SLC38A6: variants seen among roughly 807,000 people sequenced by gnomAD.
SLC38A6 encodes the protein N system amino acid transporter NAT-1.
Under a neutral mutation model 65.0 loss-of-function variants are expected in SLC38A6, and 73 were observed. That is an observed-to-expected ratio of 1.12 (90% confidence interval 0.93 to 1.37). SLC38A6 has a LOEUF of 1.37. SLC38A6 is among the 40% of genes most tolerant of loss of function. SLC38A6 has a pLI of 0.00. For missense variants in SLC38A6, 561 were observed against 531.1 expected (o/e 1.06, Z -0.55); for synonymous variants, 183 against 178.8 (o/e 1.02, Z -0.19).
At chr14:61,036,675 TAA>T (rs1402539271) in intron 6 of SLC38A6, among the ~76,000 whole-genome samples, 1 of 152,198 alleles carries the variant, frequency 6.6e-6, no homozygotes, top group Admixed American at 6.5e-5. Flanking sequence ...TTCAAGTATA[TAA>T]TTATTTGAAA....
At position 60,982,234 on chromosome 14, in the gene SLC38A6, CAGTCACA is replaced by C. The variant is rs779160661; in HGVS notation, c.106-271_106-265del. 1.6e-4 allele frequency: 80 copies of C among 504,954 alleles called. 3 individuals carry two copies. The highest frequency in any genetic ancestry group is 1.2e-3 in the South Asian group (78 of 65,000). 31.3% of individuals were successfully genotyped at this position (504,954 alleles called of 1,614,324 possible). On this transcript the variant is annotated intron_variant, in intron 1 of 15. Coordinates refer to ENST00000267488, the MANE Select transcript of SLC38A6 (RefSeq NM_153811.3). ...ATTCCCATCCTATCTTCATCTCTTG[CAGTCACA>C]AGGTTAGTCATGGCCCTTCCTGAAC... is the stretch of plus-strand genomic sequence containing the variant.
chr14:61,060,787 AG>A (rs1233806303), intron 15 of SLC38A6, among the ~76,000 whole-genome samples: 3 of 61,838 alleles, frequency 4.9e-5, no homozygotes, highest in East Asian at 8.3e-4. Flanking sequence ...CCGTGGGCGT[AG>A]GACCCTCTGA....
intron 15 of SLC38A6, among the ~76,000 whole-genome samples, chr14:61,066,065 G>T (rs1176744902): frequency 6.6e-6 from 1 of 152,118 alleles, no homozygotes; most frequent in Non-Finnish European, 1.5e-5. Context: ...TTTACTTCCT[G>T]CAAATTTTTC....
chr14:61,013,521 A>G (rs903824692), intron 3 of SLC38A6, among the ~76,000 whole-genome samples: 1 of 152,178 alleles, frequency 6.6e-6, no homozygotes, highest in African/African-American at 2.4e-5. Flanking sequence ...AGTGACTGGT[A>G]CTGGTTGTTC....
At chr14:61,007,328 T>TAAAATAAAAG (rs2039210797) in intron 3 of SLC38A6, among the ~76,000 whole-genome samples, 1 of 150,812 alleles carries the variant, frequency 6.6e-6, no homozygotes, top group Non-Finnish European at 1.5e-5. Flanking sequence ...AATAATAAAA[T>TAAAATAAAAG]AAAATAAAAT....
At chr14:61,015,289 C>G (rs2039920143) in intron 3 of SLC38A6, among the ~76,000 whole-genome samples, 1 of 152,168 alleles carries the variant, frequency 6.6e-6, no homozygotes, top group Non-Finnish European at 1.5e-5. Context: ...TCATCCCTTT[C>G]TTTGACTAGG....
intron 7 of SLC38A6, 32 bp downstream of exon 7, chr14:61,037,173 GA>G: frequency 6.8e-7 from 1 of 1,466,344 alleles, no homozygotes; most frequent in Non-Finnish European, 9.2e-7. Context: ...TATTTGTTTA[GA>G]AAAAGGAAAG....
intron 11 of SLC38A6, 44 bp downstream of exon 11, chr14:61,045,469 T>C (rs762729186): frequency 1.4e-6 from 2 of 1,435,026 alleles, no homozygotes; most frequent in South Asian, 2.3e-5. Flanking sequence ...TGTGTATCTT[T>C]TTACCTCTAA....
intron 11 of SLC38A6, 80 bp from the exon 12 acceptor site, chr14:61,045,987 C>G: frequency 2.6e-6 from 2 of 773,558 alleles, no homozygotes; most frequent in East Asian, 2.6e-5. Context: ...GAGGAATTCT[C>G]TCGACCAGCT....
In SLC38A6 at chr14:61,048,163, TTTGTGTCATAGGAAGAAA is replaced by T. The variant is rs1202850308; in HGVS notation, c.925+2000_925+2017del. 3 of 453,560 alleles carry T rather than the reference TTTGTGTCATAGGAAGAAA, an allele frequency of 6.6e-6. No individual in the cohort carries two copies. The East Asian group carries it at 2.1e-4, about 32-fold the overall frequency. The allele number at this position is 453,560 out of a possible 1,614,324, so 28.1% of individuals were successfully genotyped here. ...ATCTTTCTACCAGGATAACAGGAGC[TTTGTGTCATAGGAAGAAA>T]TTGCTGGTTGAACCTGAGATCTTAT... is the stretch of plus-strand genomic sequence containing the variant. On this transcript the variant is annotated intron_variant, in intron 12 of 15. Coordinates refer to ENST00000267488, the MANE Select transcript of SLC38A6 (RefSeq NM_153811.3).
At chr14:61,055,118 C>CTTTTTTTTTTTT (rs1219357097), downstream of SLC38A6, among the ~76,000 whole-genome samples, 1 of 98,648 alleles carries the variant, frequency 1.0e-5, no homozygotes, top group Non-Finnish European at 1.9e-5. Flanking sequence ...TTTTTTTTTT[C>CTTTTTTTTTTTT]TTTTTTTTTT....
At chr14:61,017,052 G>A (rs185901396) in intron 4 of SLC38A6, among the ~76,000 whole-genome samples, 1 of 152,082 alleles carries the variant, frequency 6.6e-6, no homozygotes, top group East Asian at 1.9e-4. Flanking sequence ...TTTTGTTTTT[G>A]TTTTTTCAGA....
chr14:61,072,994 C>T (rs914079873), intron 15 of SLC38A6, among the ~76,000 whole-genome samples: 11 of 152,274 alleles, frequency 7.2e-5, no homozygotes, highest in African/African-American at 2.6e-4. Context: ...ACATCCCCCC[C>T]AACAGTGCAT....
intron 1 of SLC38A6, 167 bp from the exon 2 acceptor site, chr14:60,982,341 G>C (rs1419882746): frequency 1.3e-6 from 1 of 791,104 alleles, no homozygotes; most frequent in African/African-American, 1.7e-5. Context: ...GTAGTGGGAG[G>C]TGGGAAGGAA....
At chr14:61,022,027 A>G (rs1484227533) in intron 5 of SLC38A6, among the ~76,000 whole-genome samples, 1 of 152,096 alleles carries the variant, frequency 6.6e-6, no homozygotes, top group Non-Finnish European at 1.5e-5. Flanking sequence ...TCTTTGTTAA[A>G]TTGTTGGACG....
chr14:61,011,953 GA>G (rs2039605390), intron 3 of SLC38A6, among the ~76,000 whole-genome samples: 1 of 152,164 alleles, frequency 6.6e-6, no homozygotes, highest in Admixed American at 6.6e-5. Context: ...GTTTCAGAAG[GA>G]ATGGTACCAG....
intron 3 of SLC38A6, among the ~76,000 whole-genome samples, chr14:60,995,221 A>G (rs768375060): frequency 6.6e-6 from 1 of 152,212 alleles, no homozygotes; most frequent in Non-Finnish European, 1.5e-5. Context: ...AGTTAGAGAA[A>G]CAACCTAAGT....
chr14:61,012,955 C>T (rs772457085), intron 3 of SLC38A6, among the ~76,000 whole-genome samples: 5 of 152,096 alleles, frequency 3.3e-5, no homozygotes, highest in Non-Finnish European at 5.9e-5. Flanking sequence ...CTTTCTGTCT[C>T]GTGGATCTGT....
At chr14:61,037,234 C>A in intron 7 of SLC38A6, 93 bp downstream of exon 7, 1 of 924,706 alleles carries the variant, frequency 1.1e-6, no homozygotes, top group Non-Finnish European at 1.6e-6. Context: ...TAAAATTTCA[C>A]AGTACCACAT....
Sources: gnomAD v4.1 joint callset for allele counts (sites outside exome capture counted in the v4.1 genomes callset) on GRCh38, gnomAD v4.1.1 for gene constraint, MANE v1.5 for transcripts, NCBI Gene and HGNC (gene_info 2026-07-23, HGNC 2026-07-21) for gene names.